ARID2: variants seen among roughly 807,000 people sequenced by gnomAD.
ARID2 encodes AT-rich interaction domain 2, also known as AT-rich interactive domain-containing protein 2.
In ARID2, 32 loss-of-function variants were observed where a neutral mutation model predicts 184.6. The observed-to-expected ratio is 0.17, with a 90% confidence interval of 0.13 to 0.23. The LOEUF (loss-of-function observed/expected upper bound fraction) is 0.23, where lower values mean the gene tolerates loss of function less well. Ranked by LOEUF, ARID2 falls within the 10% of genes least tolerant of loss-of-function variation. The pLI, the probability that ARID2 is intolerant of heterozygous loss-of-function variation, is 1.00. For synonymous variants in ARID2, 836 were observed against 772.6 expected, an observed-to-expected ratio of 1.08 and a Z score of -1.36; for missense variants, 1,696 against 2,197.6, an observed-to-expected ratio of 0.77 and a Z score of 4.56.
At position 45,850,695 on chromosome 12, in the gene ARID2, G is replaced by C. The variant is rs2138164321; in HGVS notation, c.2572G>C (p.Ala858Pro). The change falls in exon 15 of 21, where the codon GCA (alanine) becomes CCA (proline). Residue 858 changes from alanine to proline, a missense_variant. Physicochemically the swap from Ala to Pro is conservative, Grantham distance 27. Around this residue, in one of 11 missense-constraint regions of ARID2, gnomAD observed 713 missense variants for 824.4 expected, o/e 0.86. Transcript: ENST00000334344. ...IAPPQYVTTS[A>P]SNIVSATSVQ... is the part of the protein sequence containing the mutation. ...ACCCCCACAGTATGTAACAACTTCT[G>C]CATCCAATATTGTCTCAGCAACTTC... 6.2e-7 allele frequency: 1 copy of C among 1,614,080 alleles called. No individual in the cohort carries two copies. Among genetic ancestry groups the C allele is most frequent in the Admixed American group, 1.7e-5 (1 of 60,024 alleles).
chr12:45,799,285 T>C (rs570421025), intron 3 of ARID2, among the ~76,000 whole-genome samples: 15 of 152,278 alleles, frequency 9.9e-5, no homozygotes, highest in Non-Finnish European at 2.1e-4. Context: ...ACTTTAATAG[T>C]TTGTCATGCA....
At chr12:45,848,470 C>T (rs1176928349) in intron 12 of ARID2, among the ~76,000 whole-genome samples, 1 of 152,084 alleles carries the variant, frequency 6.6e-6, no homozygotes, top group Non-Finnish European at 1.5e-5. Context: ...GCAAATAGCA[C>T]GTAATTGGGA....
At chr12:45,817,359 TA>T (rs574999558) in intron 4 of ARID2, among the ~76,000 whole-genome samples, 2 of 151,528 alleles carry the variant, frequency 1.3e-5, no homozygotes, top group Non-Finnish European at 2.9e-5. Context: ...TCTCAGAAAA[TA>T]AAAAAAGTGC....
At chr12:45,742,064 G>A (rs1941268709) in intron 3 of ARID2, among the ~76,000 whole-genome samples, 1 of 152,110 alleles carries the variant, frequency 6.6e-6, no homozygotes, top group Non-Finnish European at 1.5e-5. Context: ...CAGTTCTGCA[G>A]TACATATAGA....
At chr12:45,900,819 G>A (rs1944447293) in intron 20 of ARID2, among the ~76,000 whole-genome samples, 1 of 152,060 alleles carries the variant, frequency 6.6e-6, no homozygotes, top group South Asian at 2.1e-4. Flanking sequence ...AAACCTGAGG[G>A]CATTGCTTTG....
rs373743843 is a variant in ARID2, at chr12:45,857,486, T to C, written c.4774-3315T>C. Among the ~76,000 whole-genome samples the C allele has an allele frequency of 2.3e-3, 344 of 152,298 alleles. 12 individuals carry two copies. In the South Asian group the frequency reaches 0.067, roughly 30 times the overall value. On this transcript the variant is annotated intron_variant, in intron 15 of 20. Transcript: ENST00000334344. Reference sequence around the variant, plus strand: ...TATTACATAACTTTTTTGTTTATATTTTAATGTGTTCTTATAAAGTAGTGT... The same window carrying C: ...TATTACATAACTTTTTTGTTTATATCTTAATGTGTTCTTATAAAGTAGTGT...
At chr12:45,883,592 A>G (rs1237018081) in intron 16 of ARID2, among the ~76,000 whole-genome samples, 2 of 150,124 alleles carry the variant, frequency 1.3e-5, no homozygotes, top group South Asian at 2.1e-4. Context: ...CAGATACTGT[A>G]TATAAAAATA....
intron 3 of ARID2, among the ~76,000 whole-genome samples, chr12:45,765,744 G>A (rs1056990722): frequency 1.1e-4 from 16 of 151,916 alleles, no homozygotes; most frequent in East Asian, 1.9e-4. Flanking sequence ...GGTAGGTTTC[G>A]ACATGTGTAT....
At chr12:45,782,448 A>T (rs1028952205) in intron 3 of ARID2, among the ~76,000 whole-genome samples, 1 of 152,250 alleles carries the variant, frequency 6.6e-6, no homozygotes, top group Middle Eastern at 3.4e-3. Flanking sequence ...ACTGGTCAAC[A>T]TGGTGAAAAC....
intron 6 of ARID2, among the ~76,000 whole-genome samples, chr12:45,831,831 G>C (rs898060103): frequency 1.4e-4 from 22 of 152,110 alleles, no homozygotes; most frequent in Non-Finnish European, 1.2e-4. Flanking sequence ...TCTGTTGTTA[G>C]TTGCATACAC....
At chr12:45,817,961 T>C in intron 5 of ARID2, 73 bp downstream of exon 5, 5 of 1,175,650 alleles carry the variant, frequency 4.3e-6, no homozygotes, top group Non-Finnish European at 5.8e-6. Flanking sequence ...AAGGAGAAAG[T>C]ACTTTTTGTT....
chr12:45,731,737 T>C (rs1941006107), intron 3 of ARID2, among the ~76,000 whole-genome samples: 1 of 152,138 alleles, frequency 6.6e-6, no homozygotes. Flanking sequence ...AAGAATTTTT[T>C]TTTTTTAATG....
chr12:45,787,159 A>G (rs1942209998), intron 3 of ARID2, among the ~76,000 whole-genome samples: 1 of 151,990 alleles, frequency 6.6e-6, no homozygotes, highest in African/African-American at 2.4e-5. Context: ...AGTATGTGAG[A>G]TATTGCAAAT....
At chr12:45,796,026 G>A (rs1168429658) in intron 3 of ARID2, among the ~76,000 whole-genome samples, 1 of 152,008 alleles carries the variant, frequency 6.6e-6, no homozygotes, top group Non-Finnish European at 1.5e-5. Flanking sequence ...TCTTTCTAAT[G>A]TACTAAGAAA....
chr12:45,849,009 C>CACTTA, intron 13 of ARID2, 39 bp downstream of exon 13: 1 of 1,581,458 alleles, frequency 6.3e-7, no homozygotes, highest in Non-Finnish European at 8.6e-7. Flanking sequence ...CCATTTACGT[C>CACTTA]ACTTACAACA....
At chr12:45,739,401 T>G (rs11183191) in intron 3 of ARID2, among the ~76,000 whole-genome samples, 44,092 of 148,556 alleles carry the variant, frequency 0.3, 6,724 homozygotes, top group Admixed American at 0.33. Flanking sequence ...AAATAATTTT[T>G]AAAACTACCA....
rs545046110 is a variant in ARID2 at position 45,891,568 on chromosome 12, T to C, written c.4923-212T>C. Among the ~76,000 whole-genome samples, 21 of 152,362 alleles carry C rather than the reference T, an allele frequency of 1.4e-4. No homozygotes were observed. The South Asian group carries it at 4.3e-3, about 32-fold the overall frequency. The stretch of plus-strand genomic sequence containing the variant: ...TTGTTTATAAGATAATGTTCTATGG[T>C]GTTTTTAATGATATTTCATTCACTT... On this transcript the variant is annotated intron_variant, in intron 16 of 20. Transcript: ENST00000334344.
intron 20 of ARID2, 82 bp from the exon 21 acceptor site, chr12:45,904,852 G>A (rs1017368998): frequency 6.8e-7 from 1 of 1,474,242 alleles, no homozygotes; most frequent in Non-Finnish European, 9.2e-7. Context: ...TTCTATTTTA[G>A]TTTTTAAACT....
chr12:45,760,184 T>A (rs1297466291), intron 3 of ARID2, among the ~76,000 whole-genome samples: 1 of 152,180 alleles, frequency 6.6e-6, no homozygotes, highest in African/African-American at 2.4e-5. Flanking sequence ...TTGTTGATTT[T>A]AATTTATTGC....
Sources: allele counts gnomAD v4.1 joint callset (sites outside exome capture counted in the v4.1 genomes callset), GRCh38; gene constraint gnomAD v4.1.1; regional missense constraint gnomAD v4.1.1; transcripts MANE v1.5; gene names NCBI Gene and HGNC (gene_info 2026-07-23, HGNC 2026-07-21).